Variants in NLGN1 observed in about 807,000 individuals in gnomAD.
NLGN1 encodes neuroligin 1, also known as neuroligin-1.
NLGN1 carries 12 observed loss-of-function variants against 65.5 expected under a neutral mutation model. The observed-to-expected ratio is 0.18, with a 90% CI of 0.12 to 0.30. The LOEUF is 0.30. Among genes scored for constraint, NLGN1 ranks in the 10% least tolerant of loss-of-function variants. The pLI is 1.00. For missense variants in NLGN1, 750 were observed against 1,007.1 expected (o/e 0.74, Z 3.46); for synonymous variants, 350 against 359.5 (o/e 0.97, Z 0.30).
At chr3:174,273,265 A>G (rs7617979) in intron 4 of NLGN1, among the ~76,000 whole-genome samples, 1 of 150,882 alleles carries the variant, frequency 6.6e-6, no homozygotes, top group East Asian at 2.0e-4. Flanking sequence ...TCATAACAAG[A>G]GTATTATGTT....
chr3:174,153,273 A>G lies in NLGN1; in HGVS notation c.647-122042A>G, dbSNP rs527684810. Among the ~76,000 whole-genome samples the G allele has an allele frequency of 4.6e-5, 7 of 152,162 alleles. 1 individual carries two copies. The highest frequency in any genetic ancestry group is 9.7e-5 in the African/African-American group (4 of 41,450). ...TTGTGACAGTTGCATTCATTGGACA[A>G]TGCTCAGTATGATGATTATACTAAT... On this transcript the variant is annotated intron_variant, in intron 4 of 6. Transcript: ENST00000457714.
At chr3:173,627,373 T>C (rs1008682326) in intron 3 of NLGN1, among the ~76,000 whole-genome samples, 26 of 152,132 alleles carry the variant, frequency 1.7e-4, no homozygotes, top group African/African-American at 6.3e-4. Context: ...TTGTTGGAAA[T>C]GACGGAATTT....
At chr3:173,820,389 A>G (rs1357823893) in intron 4 of NLGN1, among the ~76,000 whole-genome samples, 1 of 152,134 alleles carries the variant, frequency 6.6e-6, no homozygotes, top group Non-Finnish European at 1.5e-5. Flanking sequence ...AGCATGAGGT[A>G]AGTGAAAGCG....
At chr3:173,518,528 G>A (rs1734235474) in intron 2 of NLGN1, among the ~76,000 whole-genome samples, 1 of 149,364 alleles carries the variant, frequency 6.7e-6, no homozygotes, top group Non-Finnish European at 1.5e-5. Context: ...ATGAGTATGT[G>A]TATGTGTGTG....
chr3:173,765,305 A>C (rs888914782), intron 3 of NLGN1, among the ~76,000 whole-genome samples: 7 of 152,132 alleles, frequency 4.6e-5, no homozygotes, highest in African/African-American at 1.7e-4. Context: ...TGAAAATTTC[A>C]TTGGGTTGAT....
chr3:173,929,680 T>TTTTTTTTC (rs766554215), intron 4 of NLGN1, among the ~76,000 whole-genome samples: 5 of 151,322 alleles, frequency 3.3e-5, no homozygotes, highest in East Asian at 3.9e-4. Flanking sequence ...CAATAAGCTT[T>TTTTTTTTC]TTTTTTTCTT....
At chr3:174,147,419 C>CTTTTTTTTTTTGTTTTTTT (rs1723506005) in intron 4 of NLGN1, among the ~76,000 whole-genome samples, 1 of 36,252 alleles carries the variant, frequency 2.8e-5, no homozygotes, top group African/African-American at 9.0e-5. Context: ...TGGCTCATGG[C>CTTTTTTTTTTTGTTTTTTT]TTTTTTTTTT....
At chr3:173,774,067 T>C (rs1779958491) in intron 3 of NLGN1, among the ~76,000 whole-genome samples, 1 of 152,204 alleles carries the variant, frequency 6.6e-6, no homozygotes, top group Non-Finnish European at 1.5e-5. Context: ...TGCATTCAAA[T>C]AGCAGGGCAT....
Position 173,683,769 on chromosome 3 carries a change from A to G in NLGN1, c.493+78678A>G, listed in dbSNP as rs147840768. On this transcript the variant is annotated intron_variant, in intron 3 of 6. Transcript: ENST00000457714. ...CAGATGATAAACTGTGAAGTGTGGAAGGGTGGGTCAGGTATAGTGCTTCGT... is the reference window on the plus strand; with the variant it reads ...CAGATGATAAACTGTGAAGTGTGGAGGGGTGGGTCAGGTATAGTGCTTCGT... 1.6e-4 allele frequency among the ~76,000 whole-genome samples: 24 copies of G among 152,210 alleles called. No homozygotes were observed. The East Asian group carries it at 4.1e-3, about 26-fold the overall frequency.
intron 4 of NLGN1, among the ~76,000 whole-genome samples, chr3:174,211,586 C>A (rs75887338): frequency 0.011 from 303 of 27,390 alleles, no homozygotes; most frequent in Middle Eastern, 0.037. Flanking sequence ...AGGTTCTCCA[C>A]GTCCCCACCA....
intron 3 of NLGN1, among the ~76,000 whole-genome samples, chr3:173,675,887 T>TCTCTCTCTCTCACACACACA (rs756157881): frequency 2.9e-5 from 4 of 138,642 alleles, no homozygotes; most frequent in African/African-American, 8.4e-5. Flanking sequence ...TCTCTCTCTC[T>TCTCTCTCTCTCACACACACA]CACACACACA....
rs544004409 is a variant in NLGN1, at chr3:174,030,866, G to C, written c.646+223034G>C. On this transcript the variant is annotated intron_variant, in intron 4 of 6. Transcript: ENST00000457714. ...GACATTACCAAATTAGATATCTCTA[G>C]AAGCGAGGATAATATTGGGATGAGA... Among the ~76,000 whole-genome samples the C allele has an allele frequency of 4.1e-4, 63 of 152,216 alleles. 1 individual carries two copies. The South Asian group carries it at 0.012, about 29-fold the overall frequency.
chr3:173,972,821 T>G (rs1328623123), intron 4 of NLGN1, among the ~76,000 whole-genome samples: 1 of 151,996 alleles, frequency 6.6e-6, no homozygotes, highest in Non-Finnish European at 1.5e-5. Flanking sequence ...CAACATCTCC[T>G]GCAAAATTGT....
Position 173,618,434 on chromosome 3 carries a change from C to T in NLGN1, c.493+13343C>T, listed in dbSNP as rs370890972. Among the ~76,000 whole-genome samples, 7 of 152,190 alleles carry T rather than the reference C, an allele frequency of 4.6e-5. No individual in the cohort carries two copies. In the East Asian group the frequency reaches 1.2e-3, roughly 25 times the overall value. On this transcript the variant is annotated intron_variant, in intron 3 of 6. Transcript: ENST00000457714. Reference sequence around the variant, plus strand: ...CTGATCTCTAACTGCTGACTGCAAGCGATCCTCCTTCCTCGGGCTCCCAAA... The same window carrying T: ...CTGATCTCTAACTGCTGACTGCAAGTGATCCTCCTTCCTCGGGCTCCCAAA...
intron 2 of NLGN1, among the ~76,000 whole-genome samples, chr3:173,589,179 G>A (rs1560010727): frequency 6.6e-6 from 1 of 152,164 alleles, no homozygotes; most frequent in East Asian, 1.9e-4. Flanking sequence ...AGAAGAATAT[G>A]TACTTTTTTC....
At chr3:173,907,698 C>T (rs1253710971) in intron 4 of NLGN1, among the ~76,000 whole-genome samples, 2 of 151,596 alleles carry the variant, frequency 1.3e-5, no homozygotes, top group Non-Finnish European at 2.9e-5. Context: ...GATTCTCCTG[C>T]CTCAGCCTCC....
At chr3:174,278,507 T>C (rs1488622801) in intron 5 of NLGN1, among the ~76,000 whole-genome samples, 1 of 151,974 alleles carries the variant, frequency 6.6e-6, no homozygotes, top group Non-Finnish European at 1.5e-5. Context: ...TAGGAGAAGA[T>C]TGGCCCCATC....
intron 4 of NLGN1, among the ~76,000 whole-genome samples, chr3:174,273,972 G>A (rs919047431): frequency 4.0e-5 from 6 of 151,540 alleles, no homozygotes; most frequent in Non-Finnish European, 8.9e-5. Context: ...AAATGTAATC[G>A]ATGTCCTAGC....
intron 4 of NLGN1, among the ~76,000 whole-genome samples, chr3:174,047,386 A>G (rs554901292): frequency 5.9e-5 from 9 of 152,062 alleles, no homozygotes; most frequent in Non-Finnish European, 1.0e-4. Flanking sequence ...ACACAATTCT[A>G]TATGTAATTG....
Sources: gnomAD v4.1 joint callset for allele counts (sites outside exome capture counted in the v4.1 genomes callset) on GRCh38, gnomAD v4.1.1 for gene constraint, MANE v1.5 for transcripts, NCBI Gene and HGNC (gene_info 2026-07-23, HGNC 2026-07-21) for gene names.